The following LSG1 variants were observed in gnomAD, a reference collection of about 807,000 sequenced individuals.
LSG1 encodes the protein large 60S subunit nuclear export GTPase 1.
Under a neutral mutation model 82.6 loss-of-function variants are expected in LSG1, and 55 were observed. That is an observed-to-expected ratio of 0.67 (90% CI 0.54 to 0.83). The LOEUF is 0.83. Among genes scored for constraint, LSG1 ranks in the 40% least tolerant of loss-of-function variants. The pLI is 0.00. For missense variants in LSG1, 809 were observed against 807.9 expected (o/e 1.00, Z -0.02); for synonymous variants, 272 against 282.5 (o/e 0.96, Z 0.37).
chr3:194,655,222 C>G (rs1365051280), intron 7 of LSG1, among the ~76,000 whole-genome samples: 1 of 152,072 alleles, frequency 6.6e-6, no homozygotes, highest in South Asian at 2.1e-4. Context: ...CTGGTGAGCC[C>G]TAAAAATAAG....
intron 1 of LSG1, chr3:194,671,826 C>T: frequency 3.6e-6 from 2 of 559,592 alleles, no homozygotes; most frequent in South Asian, 2.3e-5. Context: ...GAAGACTCTT[C>T]AGATTCTCAC....
At chr3:194,646,265 G>A in intron 11 of LSG1, 22 bp from the exon 12 acceptor site, 1 of 1,609,574 alleles carries the variant, frequency 6.2e-7, no homozygotes, top group Admixed American at 1.7e-5. Context: ...AAAGAATTTT[G>A]CAAAATCTTA....
chr3:194,664,155 G>A (rs575104914), intron 5 of LSG1, among the ~76,000 whole-genome samples: 1 of 152,208 alleles, frequency 6.6e-6, no homozygotes, highest in Non-Finnish European at 1.5e-5. Context: ...GTTTCACCAC[G>A]TTCCTCAGGC....
intron 10 of LSG1, among the ~76,000 whole-genome samples, chr3:194,649,701 A>C (rs547539246): frequency 6.6e-6 from 1 of 152,096 alleles, no homozygotes; most frequent in African/African-American, 2.4e-5. Flanking sequence ...AAAACAAAAA[A>C]AAAAGCTATA....
Position 194,655,343 on chromosome 3 carries a change from A to G in LSG1, c.760-2201T>C, listed in dbSNP as rs111434322. The stretch of plus-strand genomic sequence containing the variant: ...CAAGAAGGCCACAGATGCAGAAACT[A>G]ATCTCTTCCATTTTTGATAGGGTTA... On this transcript the variant is annotated intron_variant, in intron 7 of 13. Coordinates refer to ENST00000265245, the MANE Select transcript of LSG1 (RefSeq NM_018385.3). 4.4e-3 allele frequency among the ~76,000 whole-genome samples: 675 copies of G among 152,286 alleles called. 5 individuals are homozygous for G. The highest frequency in any genetic ancestry group is 0.016 in the African/African-American group (652 of 41,556).
chr3:194,670,210 T>G, intron 1 of LSG1, 75 bp from the exon 2 acceptor site: 1 of 1,527,356 alleles, frequency 6.5e-7, no homozygotes, highest in Admixed American at 1.7e-5. Context: ...TAAAATTCCT[T>G]GCAACTAGTC....
Position 194,660,091 on chromosome 3 carries a change from C to G in LSG1, c.564G>C (p.Leu188=). 6.2e-7 allele frequency: 1 copy of G among 1,614,076 alleles called. No homozygotes were observed. The highest frequency in any genetic ancestry group is 1.6e-4 in the Middle Eastern group (1 of 6,062). Residue 188 remains leucine (L), a synonymous_variant, in exon 6 of 14, where the codon CTG becomes CTC. Transcript: ENST00000265245. ...GACTTACCAAATCCTCACATCTAAA[C>G]AGGAGTGGGTTTCGAGCATCTACTA... ...VQIVDARNPL[L]FRCEDLECYV...
chr3:194,669,765 C>T (rs944530847), intron 2 of LSG1, among the ~76,000 whole-genome samples: 12 of 152,148 alleles, frequency 7.9e-5, no homozygotes, highest in South Asian at 2.1e-4. Context: ...AACCCCATCT[C>T]TACTAGAAAT....
chr3:194,669,986 G>T (rs756690274), intron 2 of LSG1, 23 bp downstream of exon 2: 3 of 1,611,568 alleles, frequency 1.9e-6, no homozygotes, highest in Non-Finnish European at 2.5e-6. Flanking sequence ...AGTCTCACCT[G>T]CACTCAGCAA....
In LSG1 at chr3:194,644,648, T is replaced by C. The variant is rs1170293441; in HGVS notation, c.1722A>G (p.Glu574=). ...TATTTCTGCCTAGCTGCATTTTTAT[T>C]TCATCACTGTTCATTTTGTTCTCTA... ...RLLENKMNSD[E]IKMQLGRNKK... is the part of the protein sequence containing the mutation. Residue 574 remains glutamate, a synonymous_variant, in exon 13 of 14, where the codon GAA becomes GAG. Transcript: ENST00000265245. 3.1e-6 allele frequency: 5 copies of C among 1,612,858 alleles called. No individual in the cohort carries two copies. The African/African-American group carries it at 6.7e-5, about 22-fold the overall frequency.
At chr3:194,667,327 A>G (rs1719050200) in intron 2 of LSG1, among the ~76,000 whole-genome samples, 2 of 152,156 alleles carry the variant, frequency 1.3e-5, no homozygotes, top group Non-Finnish European at 2.9e-5. Flanking sequence ...CTGGGGTTAC[A>G]GGCATGAGCC....
intron 12 of LSG1, among the ~76,000 whole-genome samples, chr3:194,645,579 C>CACACACACACACAG (rs1560219860): frequency 4.4e-5 from 3 of 67,790 alleles, no homozygotes; most frequent in East Asian, 4.0e-4. Flanking sequence ...CAGACAGACA[C>CACACACACACACAG]ACACACACAC....
At chr3:194,655,201 C>A (rs1404973824) in intron 7 of LSG1, among the ~76,000 whole-genome samples, 1 of 152,154 alleles carries the variant, frequency 6.6e-6, no homozygotes, top group African/African-American at 2.4e-5. Flanking sequence ...TAAAACAATT[C>A]TACAGGTGAC....
At position 194,646,094 on chromosome 3, in the gene LSG1, C is replaced by T; in HGVS notation, c.1623+70G>A. 3 of 1,444,934 alleles carry T rather than the reference C, an allele frequency of 2.1e-6. No homozygotes were observed. The South Asian group carries it at 3.5e-5, about 17-fold the overall frequency. 89.5% of individuals were successfully genotyped at this position (1,444,934 alleles called of 1,614,324 possible). The stretch of plus-strand genomic sequence containing the variant: ...TTTCCTTTATAATCGAACAGGTTAC[C>T]ATTATCTAAGAACGCAGAATGTGGA... On this transcript the variant is annotated intron_variant, in intron 12 of 13. Coordinates refer to ENST00000265245, the MANE Select transcript of LSG1 (RefSeq NM_018385.3).
intron 2 of LSG1, 90 bp from the exon 3 acceptor site, chr3:194,666,662 G>T (rs955942556): frequency 8.8e-6 from 9 of 1,020,990 alleles, no homozygotes; most frequent in African/African-American, 1.6e-5. Context: ...AACTAAAAAT[G>T]AGAGCCTAAG....
Position 194,641,895 on chromosome 3 carries a change from T to C in LSG1, c.*173A>G. 1 of 594,782 alleles carries C rather than the reference T, an allele frequency of 1.7e-6. No individual in the cohort carries two copies. The highest frequency in any genetic ancestry group is 2.8e-6 in the Non-Finnish European group (1 of 354,252). 36.8% of individuals were successfully genotyped at this position (594,782 alleles called of 1,614,324 possible). On this transcript the variant is annotated 3_prime_UTR_variant, in exon 14 of 14. Coordinates refer to ENST00000265245, the MANE Select transcript of LSG1 (RefSeq NM_018385.3). ...GATGACTCCTTTTTGTCAGAGTTGG[T>C]GTTTCCAGGAGGCCCTTGGTCTTGA...
Position 194,645,589 on chromosome 3 carries a change from C to G in LSG1, c.1623+575G>C, listed in dbSNP as rs985689044. 7.3e-4 allele frequency among the ~76,000 whole-genome samples: 68 copies of G among 93,276 alleles called. 1 individual carries two copies. Among genetic ancestry groups the G allele is most frequent in the African/African-American group, 2.3e-3 (47 of 20,294 alleles). 61.2% of individuals were successfully genotyped at this position (93,276 alleles called of 152,430 possible). On this transcript the variant is annotated intron_variant, in intron 12 of 13. Transcript: ENST00000265245. ...ACACACAGACAGACACACACACACA[C>G]ACACACACACACACACACACACACA...
chr3:194,647,264 C>A (rs1031642333), intron 11 of LSG1, among the ~76,000 whole-genome samples: 2 of 152,138 alleles, frequency 1.3e-5, no homozygotes, highest in African/African-American at 4.8e-5. Flanking sequence ...AAAATATAGT[C>A]TATTAAAATT....
intron 7 of LSG1, among the ~76,000 whole-genome samples, chr3:194,657,265 T>C (rs1011065483): frequency 6.6e-6 from 1 of 151,482 alleles, no homozygotes; most frequent in Non-Finnish European, 1.5e-5. Flanking sequence ...GGACCTAGCC[T>C]GTTCAACGAT....
Sources: allele counts gnomAD v4.1 joint callset (sites outside exome capture counted in the v4.1 genomes callset), GRCh38; gene constraint gnomAD v4.1.1; transcripts MANE v1.5; gene names NCBI Gene and HGNC (gene_info 2026-07-23, HGNC 2026-07-21).